The following EOGT variants were observed in gnomAD, a reference collection of about 807,000 sequenced individuals.
The protein encoded by EOGT is EGF domain-specific O-linked N-acetylglucosamine transferase.
A neutral mutation model predicts 70.5 loss-of-function variants in EOGT; 55 were observed. The ratio of observed to expected loss-of-function variants is 0.78; its 90% CI spans 0.63 to 0.98. The LOEUF is 0.98. Among genes scored for constraint, EOGT ranks in the 50% least tolerant of loss-of-function variants. The pLI, the probability that EOGT is intolerant of heterozygous loss-of-function variation, is 0.00. For missense variants in EOGT, 703 were observed against 641.9 expected, an observed-to-expected ratio of 1.10 and a Z score of -1.03; for synonymous variants, 246 against 217.1, an observed-to-expected ratio of 1.13 and a Z score of -1.17.
At position 69,004,392 on chromosome 3, in the gene EOGT, G is replaced by A; in HGVS notation, c.606C>T (p.Ser202=). ...RTLTSEGQRK[S]PLQSWFAELQ... ...AAATATCTTACCATGACTGCAGAGG[G>A]CTTTTGCGCTGACCTTCAGACGTCA... The change falls in exon 8 of 18, where the codon AGC becomes AGT. Residue 202 remains serine (S), a synonymous_variant. Coordinates refer to ENST00000383701, the MANE Select transcript of EOGT (RefSeq NM_001278689.2). 6.2e-7 allele frequency: 1 copy of A among 1,613,068 alleles called. No individual in the cohort carries two copies. The highest frequency in any genetic ancestry group is 8.5e-7 in the Non-Finnish European group (1 of 1,179,094).
intron 7 of EOGT, 121 bp downstream of exon 7, chr3:69,005,019 A>T (rs1401113471): frequency 3.3e-6 from 2 of 609,606 alleles, no homozygotes; most frequent in Non-Finnish European, 5.7e-6. Flanking sequence ...CCATGATTAC[A>T]CCGCTGCACT....
At chr3:68,990,255 T>C (rs917517228) in intron 10 of EOGT, among the ~76,000 whole-genome samples, 8 of 152,050 alleles carry the variant, frequency 5.3e-5, no homozygotes, top group African/African-American at 1.9e-4. Context: ...AGCTGAGTTA[T>C]AGAGCTGGTA....
At chr3:69,006,597 C>A (rs1158583813) in intron 6 of EOGT, among the ~76,000 whole-genome samples, 2 of 152,160 alleles carry the variant, frequency 1.3e-5, no homozygotes, top group African/African-American at 4.8e-5. Flanking sequence ...GCATTTTTAT[C>A]TGCAGAACCT....
At chr3:69,010,889 C>T (rs540597866) in intron 3 of EOGT, among the ~76,000 whole-genome samples, 1 of 152,290 alleles carries the variant, frequency 6.6e-6, no homozygotes, top group African/African-American at 2.4e-5. Flanking sequence ...ACTCAGGATA[C>T]AGCAATGAAG....
chr3:69,002,182 T>G (rs1191241626), intron 8 of EOGT, among the ~76,000 whole-genome samples: 1 of 152,024 alleles, frequency 6.6e-6, no homozygotes, highest in Non-Finnish European at 1.5e-5. Context: ...ACAACCTGAG[T>G]GAGTTTAGCA....
Position 69,007,723 on chromosome 3 carries a change from G to C in EOGT, c.410C>G (p.Pro137Arg). Residue 137 changes from proline to arginine, a missense_variant, in exon 6 of 18, where the codon CCT becomes CGT. Coordinates refer to ENST00000383701, the MANE Select transcript of EOGT (RefSeq NM_001278689.2). Reference sequence around the variant, plus strand: ...GAGCAAAATACCCACCGTTTCCTTAGGCTGACAGAGCACATGCATCTCCTC... The same window carrying C: ...GAGCAAAATACCCACCGTTTCCTTACGCTGACAGAGCACATGCATCTCCTC... The part of the protein sequence containing the change: ...RLEEMHVLCQ[P>R]KETSDSSLVC... 1 of 1,604,192 alleles carries C rather than the reference G, an allele frequency of 6.2e-7. No individual in the cohort carries two copies. The highest frequency in any genetic ancestry group is 8.5e-7 in the Non-Finnish European group (1 of 1,174,336).
In EOGT at chr3:69,013,616, G is replaced by A. The variant is rs2091636549; in HGVS notation, c.-398C>T. On this transcript the variant is annotated 5_prime_UTR_variant, in exon 1 of 18. Coordinates refer to ENST00000383701, the MANE Select transcript of EOGT (RefSeq NM_001278689.2). ...GTGAACTACCGAGGAGGAGGCGGAG[G>A]AGACGGCGGCTGTTCCAGAGGAGGG... The A allele has an allele frequency of 2.0e-5, 3 of 153,248 alleles. No homozygotes were observed. The highest frequency in any genetic ancestry group is 6.5e-5 in the Admixed American group (1 of 15,294). 9.5% of individuals were successfully genotyped at this position (153,248 alleles called of 1,614,324 possible).
intron 10 of EOGT, among the ~76,000 whole-genome samples, chr3:68,994,166 A>C (rs1231250368): frequency 6.6e-6 from 1 of 152,196 alleles, no homozygotes; most frequent in African/African-American, 2.4e-5. Flanking sequence ...TATTGTCATA[A>C]CACATATATA....
rs748677269 is a variant in EOGT, at chr3:69,009,826, A to C, written c.21T>G (p.Phe7Leu). 6.2e-7 allele frequency: 1 copy of C among 1,614,008 alleles called. No individual in the cohort carries two copies. The highest frequency in any genetic ancestry group is 1.1e-5 in the South Asian group (1 of 91,068). ...GTGAGACTTCATGAAGTAAGACTCC[A>C]AAGACAAACAACATTAACATAGCAA... MLMLFV[F>L]GVLLHEVSLS... The change falls in exon 4 of 18, where the codon TTT becomes TTG. Residue 7 changes from phenylalanine (F) to leucine (L), a missense_variant. By Grantham distance (22) the Phe-to-Leu change is conservative. Transcript: ENST00000383701.
intron 5 of EOGT, 34 bp from the exon 6 acceptor site, chr3:69,007,855 CT>C: frequency 6.7e-7 from 1 of 1,493,792 alleles, no homozygotes; most frequent in Admixed American, 2.0e-5. Flanking sequence ...GTGTTTTTTT[CT>C]TTTTACTTTT....
intron 15 of EOGT, among the ~76,000 whole-genome samples, chr3:68,981,232 C>G (rs944466474): frequency 6.6e-6 from 1 of 152,204 alleles, no homozygotes; most frequent in African/African-American, 2.4e-5. Flanking sequence ...TACCTCTATT[C>G]AGTGTCTGAG....
chr3:69,001,832 C>A, intron 8 of EOGT, 118 bp from the exon 9 acceptor site: 1 of 659,900 alleles, frequency 1.5e-6, no homozygotes, highest in South Asian at 1.7e-5. Flanking sequence ...ACAGACACTC[C>A]TATGGACACC....
intron 9 of EOGT, among the ~76,000 whole-genome samples, chr3:69,000,267 GA>G (rs926763280): frequency 6.6e-6 from 1 of 151,964 alleles, no homozygotes; most frequent in African/African-American, 2.4e-5. Flanking sequence ...TAAATTAGAA[GA>G]AAAAAGTAGA....
chr3:68,982,651 A>G lies in EOGT; in HGVS notation c.1214+160T>C, dbSNP rs1416381661. On this transcript the variant is annotated intron_variant, in intron 15 of 17. Transcript: ENST00000383701. ...AAGCCAAAGAGTAACTGCCCTTGTT[A>G]CCAGGGACTTCACCTGCCCATTTCA... is the stretch of plus-strand genomic sequence containing the variant. The G allele has an allele frequency of 1.2e-5, 5 of 420,196 alleles. No individual in the cohort carries two copies. The East Asian group carries it at 1.8e-4, about 15-fold the overall frequency. 26.0% of individuals were successfully genotyped at this position (420,196 alleles called of 1,614,324 possible).
At chr3:68,990,348 C>CTTTTTTTTT (rs56046605) in intron 10 of EOGT, among the ~76,000 whole-genome samples, 1 of 107,892 alleles carries the variant, frequency 9.3e-6, no homozygotes, top group Non-Finnish European at 1.8e-5. Context: ...TTACCACATG[C>CTTTTTTTTT]TTTTTTTTTT....
At position 69,001,593 on chromosome 3, in the gene EOGT, A is replaced by G. The variant is rs775925722; in HGVS notation, c.727+15T>C. On this transcript the variant is annotated intron_variant, in intron 9 of 17. Coordinates refer to ENST00000383701, the MANE Select transcript of EOGT (RefSeq NM_001278689.2). ...ATTAACAAATACACAAATAACAGAA[A>G]AAGTTATTTCTCACCTGCATCTAAT... The G allele has an allele frequency of 6.0e-6, 9 of 1,502,302 alleles. No individual in the cohort carries two copies. The highest frequency in any genetic ancestry group is 1.8e-5 in the Admixed American group (1 of 55,232). The allele number at this position is 1,502,302 out of a possible 1,614,324, so 93.1% of individuals were successfully genotyped here. A position where few individuals can be genotyped will look rare whatever the true frequency, so the allele number is the denominator to read the frequency against.
At chr3:69,006,143 A>G (rs1400599086) in intron 6 of EOGT, among the ~76,000 whole-genome samples, 4 of 152,242 alleles carry the variant, frequency 2.6e-5, no homozygotes, top group Non-Finnish European at 5.9e-5. Flanking sequence ...ATCTTAATCA[A>G]AAGAACATTC....
At chr3:68,981,769 C>T (rs186832546) in intron 15 of EOGT, among the ~76,000 whole-genome samples, 7 of 152,148 alleles carry the variant, frequency 4.6e-5, no homozygotes, top group Admixed American at 3.3e-4. Flanking sequence ...AATTTTCAGT[C>T]AGATGTTGAA....
chr3:68,995,176 G>C (rs1442977024), intron 10 of EOGT, among the ~76,000 whole-genome samples: 1 of 152,156 alleles, frequency 6.6e-6, no homozygotes, highest in East Asian at 1.9e-4. Context: ...CATCCACCGG[G>C]AGGGATTCAT....
Sources: gnomAD v4.1 joint callset for allele counts (sites outside exome capture counted in the v4.1 genomes callset) on GRCh38, gnomAD v4.1.1 for gene constraint, MANE v1.5 for transcripts, NCBI Gene and HGNC (gene_info 2026-07-23, HGNC 2026-07-21) for gene names.